PER2: variants seen among roughly 807,000 people sequenced by gnomAD.
The protein encoded by PER2 is period circadian protein homolog 2.
Under a neutral mutation model 121.0 loss-of-function variants are expected in PER2, and 66 were observed. That is an observed-to-expected ratio of 0.55 (90% CI 0.45 to 0.67). PER2 has a LOEUF of 0.67. PER2 is among the 30% of genes least tolerant of loss of function. The probability of loss-of-function intolerance (pLI) is 0.00; values close to 1 mark genes in which losing one functional copy is unlikely to be tolerated. For missense variants in PER2, 1,521 were observed against 1,635.0 expected (o/e 0.93, Z 1.20); for synonymous variants, 684 against 659.9 (o/e 1.04, Z -0.56).
At position 238,246,239 on chromosome 2, in the gene PER2, GT is replaced by G. The variant is rs966418767; in HGVS notation, c.*135del. The G allele has an allele frequency of 6.9e-5, 39 of 563,146 alleles. No homozygotes were observed. Among genetic ancestry groups the G allele is most frequent in the East Asian group, 6.7e-4 (21 of 31,480 alleles). The allele number at this position is 563,146 out of a possible 1,614,324, so 34.9% of individuals were successfully genotyped here. ...AGTCGCCCCTTCAGAAAACTATGTT[GT>G]TTTTTTTTCTAAAACAAAAAAAGCA... On this transcript the variant is annotated 3_prime_UTR_variant, in exon 23 of 23. Coordinates refer to ENST00000254657, the MANE Select transcript of PER2 (RefSeq NM_022817.3).
At chr2:238,249,780 G>A (rs1472109273) in intron 21 of PER2, among the ~76,000 whole-genome samples, 1 of 152,180 alleles carries the variant, frequency 6.6e-6, no homozygotes, top group Non-Finnish European at 1.5e-5. Context: ...CGATCTGATG[G>A]GTTTATAAGT....
the PER2 span, chr2:238,295,933 T>A: frequency 4.4e-6 from 1 of 228,300 alleles, no homozygotes; most frequent in South Asian, 4.5e-5. Flanking sequence ...GGATGGTTTG[T>A]TTGCATGATG....
At chr2:238,275,649 G>A (rs1696429169) in intron 4 of PER2, 94 bp downstream of exon 4, 7 of 1,383,132 alleles carry the variant, frequency 5.1e-6, no homozygotes, top group African/African-American at 1.4e-5. Context: ...GATGAGCCTC[G>A]AGTTTTAGAA....
intron 8 of PER2, among the ~76,000 whole-genome samples, chr2:238,266,337 G>A (rs1236288054): frequency 6.6e-6 from 1 of 150,790 alleles, no homozygotes. Context: ...GCCCAGGATG[G>A]TCTCAAATGC....
the PER2 span, chr2:238,298,310 A>C: frequency 6.6e-6 from 1 of 152,350 alleles, no homozygotes; most frequent in African/African-American, 2.4e-5. Flanking sequence ...CTGGGATTAC[A>C]GGCGTGAGCC....
chr2:238,251,733 C>G lies in PER2; in HGVS notation c.3140G>C (p.Ser1047Thr). 5.6e-6 allele frequency: 9 copies of G among 1,603,646 alleles called. No individual in the cohort carries two copies. Among genetic ancestry groups the G allele is most frequent in the Non-Finnish European group, 7.7e-6 (9 of 1,174,220 alleles). Reference protein sequence around the residue: ...TRDEPSDTQNSDALSTSSGLL... With the variant: ...TRDEPSDTQNTDALSTSSGLL... ...GCCGCTTGACGTGGAAAGGGCGTCA[C>G]TGTTCTGTGTGTCTGAGGGTTCATC... The change falls in exon 20 of 23, where the codon AGT becomes ACT. Residue 1047 changes from serine to threonine, a missense_variant. Ser to Thr is a moderately conservative substitution (Grantham distance 58). Coordinates refer to ENST00000254657, the MANE Select transcript of PER2 (RefSeq NM_022817.3).
At position 238,277,754 on chromosome 2, in the gene PER2, A is replaced by T; in HGVS notation, c.183T>A (p.Ser61Arg). The change falls in exon 2 of 23, where the codon AGT becomes AGA. Residue 61 changes from serine (S) to arginine (R), a missense_variant. By Grantham distance (110) the Ser-to-Arg change is moderately radical (BLOSUM62 -1). Transcript: ENST00000254657. ...CCACCAGCATCCCCAGCTCCTTCCC[A>T]CTGTCGTCACAGTCACTGCCCTGCG... ...RDSQGSDCDD[S>R]GKELGMLVEP... 1 of 1,613,832 alleles carries T rather than the reference A, an allele frequency of 6.2e-7. No individual in the cohort carries two copies. Among genetic ancestry groups the T allele is most frequent in the Non-Finnish European group, 8.5e-7 (1 of 1,179,930 alleles).
rs1002335859 is a variant in PER2, at chr2:238,245,471, G to A, written c.*904C>T. 2.5e-6 allele frequency: 1 copy of A among 397,916 alleles called. No individual in the cohort carries two copies. The highest frequency in any genetic ancestry group is 4.4e-6 in the Non-Finnish European group (1 of 225,818). 24.6% of individuals were successfully genotyped at this position (397,916 alleles called of 1,614,324 possible). On this transcript the variant is annotated 3_prime_UTR_variant, in exon 23 of 23. Transcript: ENST00000254657. ...CAGGAGATGTGATGTGGGCTTGGCTGGGTGGAAGCAGATGTCTGGGTGGTT... is the reference window on the plus strand; with the variant it reads ...CAGGAGATGTGATGTGGGCTTGGCTAGGTGGAAGCAGATGTCTGGGTGGTT...
chr2:238,251,517 A>G, intron 20 of PER2, 82 bp downstream of exon 20: 1 of 1,314,368 alleles, frequency 7.6e-7, no homozygotes, highest in Admixed American at 1.7e-5. Context: ...TGTTCTGAGC[A>G]CAGAGGCCGG....
rs529606682 is a variant in PER2, at chr2:238,250,981, T to C, written c.3275-238A>G. The stretch of plus-strand genomic sequence containing the variant: ...TCTTTCCTGTGAAGCCCTGAGCAGC[T>C]CAGGTGGAGCTGCGTGTTAGAAGCC... On this transcript the variant is annotated intron_variant, in intron 20 of 22. Transcript: ENST00000254657. Among the ~76,000 whole-genome samples, 3 of 152,314 alleles carry C rather than the reference T, an allele frequency of 2.0e-5. No homozygotes were observed. In the East Asian group the frequency reaches 5.8e-4, roughly 29 times the overall value.
chr2:238,256,733 G>T (rs1224309782), intron 17 of PER2, among the ~76,000 whole-genome samples, 189 bp downstream of exon 17: 1 of 152,228 alleles, frequency 6.6e-6, no homozygotes, highest in African/African-American at 2.4e-5. Context: ...CAGAGACCTG[G>T]ACAGGTTGCT....
At chr2:238,288,716 G>A (rs1246572912), upstream of PER2, 2 of 151,544 alleles carry the variant, frequency 1.3e-5, no homozygotes, top group African/African-American at 2.4e-5. Flanking sequence ...CCGGCCCCGC[G>A]CCCGCCGCCG....
intron 13 of PER2, 50 bp downstream of exon 13, chr2:238,260,778 G>C (rs1389334747): frequency 1.9e-6 from 3 of 1,609,698 alleles, no homozygotes; most frequent in Middle Eastern, 1.7e-4. Context: ...TTTAACTCTG[G>C]AGGGACATCC....
chr2:238,285,659 A>G (rs1696760322), intron 1 of PER2, among the ~76,000 whole-genome samples: 2 of 141,004 alleles, frequency 1.4e-5, no homozygotes, highest in Middle Eastern at 3.5e-3. Context: ...CACAAACAAC[A>G]TGCCATGTCA....
At chr2:238,251,828 TG>T in intron 19 of PER2, 67 bp from the exon 20 acceptor site, 1 of 122,216 alleles carries the variant, frequency 8.2e-6, no homozygotes, top group Admixed American at 9.8e-5. Context: ...TGCAGCGGGG[TG>T]GGGGTGGGGG....
In PER2 at chr2:238,253,272, G is replaced by A. The variant is rs1203931413; in HGVS notation, c.2751C>T (p.Thr917=). ...GGAAGAAGGCCTGGGGCAGGTTTGG[G>A]GTCCCCGAGGGGAAGGAATAACTGG... ...MLPSYSFPSG[T]PNLPQAFFPS... Residue 917 remains threonine (T), a synonymous_variant, in exon 19 of 23, where the codon ACC becomes ACT. Transcript: ENST00000254657. The surrounding 1 kb of genome is among the most constrained non-coding windows in gnomAD (Gnocchi z 5.6). 1 of 1,610,916 alleles carries A rather than the reference G, an allele frequency of 6.2e-7. No individual in the cohort carries two copies.
intron 10 of PER2, among the ~76,000 whole-genome samples, chr2:238,262,661 C>T (rs1324368276): frequency 6.6e-6 from 1 of 152,138 alleles, no homozygotes; most frequent in African/African-American, 2.4e-5. Context: ...ATGAACTGGT[C>T]TCCCCTCCTC....
At position 238,245,079 on chromosome 2, in the gene PER2, T is replaced by G. The variant is rs1251989912; in HGVS notation, c.*1296A>C. 1 of 140,428 alleles carries G rather than the reference T, an allele frequency of 7.1e-6. No homozygotes were observed. The highest frequency in any genetic ancestry group is 1.6e-5 in the Non-Finnish European group (1 of 64,478). The allele number at this position is 140,428 out of a possible 1,614,324, so 8.7% of individuals were successfully genotyped here. On this transcript the variant is annotated 3_prime_UTR_variant, in exon 23 of 23. Transcript: ENST00000254657. Reference sequence around the variant, plus strand: ...AAAAAAAAAAAAAAAAAGAAAACCCTGGTCCCTTTTAAGCCTCATAGTCTT... The same window carrying G: ...AAAAAAAAAAAAAAAAAGAAAACCCGGGTCCCTTTTAAGCCTCATAGTCTT...
At chr2:238,259,627 GC>G (rs1695866530) in intron 14 of PER2, among the ~76,000 whole-genome samples, 1 of 152,250 alleles carries the variant, frequency 6.6e-6, no homozygotes, top group South Asian at 2.1e-4. Context: ...GCAAGAACAA[GC>G]GGCCCAGGCC....
Sources: gnomAD v4.1 joint callset for allele counts (sites outside exome capture counted in the v4.1 genomes callset) on GRCh38, gnomAD v4.1.1 for gene constraint, Gnocchi (gnomAD v3.1) non-coding constraint, MANE v1.5 for transcripts, NCBI Gene and HGNC (gene_info 2026-07-23, HGNC 2026-07-21) for gene names.